UPK1B: variants seen among roughly 807,000 people sequenced by gnomAD.
UPK1B encodes the protein uroplakin 1B.
In UPK1B, 28 loss-of-function variants were observed where a neutral mutation model predicts 34.2. That is an observed-to-expected ratio of 0.82 (90% CI 0.61 to 1.12). The LOEUF (loss-of-function observed/expected upper bound fraction) is 1.12. Among genes scored for constraint, UPK1B ranks in the 50% most tolerant of loss-of-function variants. The pLI is 0.00. For missense variants in UPK1B, 325 were observed against 320.9 expected (o/e 1.01, Z -0.10); for synonymous variants, 81 against 110.4 (o/e 0.73, Z 1.67).
chr3:119,198,277 G>A (rs1657714830), intron 6 of UPK1B, among the ~76,000 whole-genome samples: 3 of 152,196 alleles, frequency 2.0e-5, no homozygotes, highest in African/African-American at 7.2e-5. Context: ...AGAGCCGCAT[G>A]GTCCATGGAA....
In UPK1B at chr3:119,204,196, G is replaced by T; in HGVS notation, c.*229G>T. On this transcript the variant is annotated 3_prime_UTR_variant, in exon 8 of 8. Transcript: ENST00000264234. ...GCAACATTTATATAGACTGTTGAAAGGAGAATTTGAAAAATGCATAATAAC... is the reference window on the plus strand; with the variant it reads ...GCAACATTTATATAGACTGTTGAAATGAGAATTTGAAAAATGCATAATAAC... 2 of 485,170 alleles carry T rather than the reference G, an allele frequency of 4.1e-6. No individual in the cohort carries two copies. The highest frequency in any genetic ancestry group is 8.9e-5 in the South Asian group (2 of 22,420). 30.1% of individuals were successfully genotyped at this position (485,170 alleles called of 1,614,324 possible). A position where few individuals can be genotyped will look rare whatever the true frequency, so the allele number is the denominator to read the frequency against.
intron 1 of UPK1B, among the ~76,000 whole-genome samples, chr3:119,185,160 A>C (rs2078012141): frequency 6.6e-6 from 1 of 152,254 alleles, no homozygotes; most frequent in South Asian, 2.1e-4. Context: ...ACATGAATTG[A>C]GTACCCACTG....
In UPK1B at chr3:119,204,034, CTCCTAATAT is replaced by C; in HGVS notation, c.*71_*79del. 2 of 1,560,278 alleles carry C rather than the reference CTCCTAATAT, an allele frequency of 1.3e-6. No individual in the cohort carries two copies. Among genetic ancestry groups the C allele is most frequent in the Non-Finnish European group, 1.8e-6 (2 of 1,135,336 alleles). On this transcript the variant is annotated 3_prime_UTR_variant, in exon 8 of 8. Coordinates refer to ENST00000264234, the MANE Select transcript of UPK1B (RefSeq NM_006952.4). ...TGGATTTGGTGCTGGAACCAGCTCTCTCCTAATATTCCACGTTTGTGCCCCACACTAACG... is the reference window on the plus strand; with the variant it reads ...TGGATTTGGTGCTGGAACCAGCTCTCTCCACGTTTGTGCCCCACACTAACG...
At chr3:119,183,422 C>T (rs138886445) in intron 1 of UPK1B, among the ~76,000 whole-genome samples, 3,799 of 152,126 alleles carry the variant, frequency 0.025, 71 homozygotes, top group Middle Eastern at 0.048. Context: ...CCACCATGCT[C>T]GGCTAATTTT....
chr3:119,188,201 C>A (rs1465847122), intron 3 of UPK1B, among the ~76,000 whole-genome samples: 1 of 152,140 alleles, frequency 6.6e-6, no homozygotes, highest in Non-Finnish European at 1.5e-5. Flanking sequence ...AAAGGGGAGA[C>A]ACCTGGGGGT....
At chr3:119,193,333 A>G (rs1021515348) in intron 5 of UPK1B, among the ~76,000 whole-genome samples, 2 of 152,256 alleles carry the variant, frequency 1.3e-5, no homozygotes, top group Non-Finnish European at 2.9e-5. Context: ...ACAAAATTGT[A>G]TATCCTTTAA....
At chr3:119,203,340 CAAAAAAAAAA>C (rs55752613) in intron 7 of UPK1B, among the ~76,000 whole-genome samples, 10 of 62,024 alleles carry the variant, frequency 1.6e-4, no homozygotes, top group East Asian at 5.1e-4. Context: ...AACTCCGTCT[CAAAAAAAAAA>C]AAAAAAAAAA....
At chr3:119,178,392 G>A (rs9868984) in intron 1 of UPK1B, among the ~76,000 whole-genome samples, 99,223 of 151,880 alleles carry the variant, frequency 0.65, 33,517 homozygotes, top group East Asian at 0.84. Flanking sequence ...AAGTGCAGAG[G>A]GAATGACCGA....
chr3:119,203,682 G>A lies in UPK1B; in HGVS notation c.733-235G>A, dbSNP rs79761980. On this transcript the variant is annotated intron_variant, in intron 7 of 7. Coordinates refer to ENST00000264234, the MANE Select transcript of UPK1B (RefSeq NM_006952.4). ...GGAGTGAGGAGAAGGGAACTTAGAG[G>A]ATGGGTCAACAGGTGCAGCAAACCA... 4.0e-3 allele frequency among the ~76,000 whole-genome samples: 606 copies of A among 152,268 alleles called. 3 individuals are homozygous for A. The highest frequency in any genetic ancestry group is 0.014 in the African/African-American group (581 of 41,552).
chr3:119,191,132 C>A, intron 5 of UPK1B, 28 bp downstream of exon 5: 1 of 1,611,796 alleles, frequency 6.2e-7, no homozygotes, highest in South Asian at 1.1e-5. Context: ...GGGGAGATGC[C>A]ATTTTTACTT....
intron 3 of UPK1B, 40 bp downstream of exon 3, chr3:119,188,015 A>G: frequency 1.3e-6 from 2 of 1,595,162 alleles, no homozygotes; most frequent in Non-Finnish European, 1.7e-6. Flanking sequence ...TCCCTGAGCC[A>G]ATTGTAATGG....
At chr3:119,191,865 G>C (rs746801133) in intron 5 of UPK1B, among the ~76,000 whole-genome samples, 1 of 151,924 alleles carries the variant, frequency 6.6e-6, no homozygotes, top group Non-Finnish European at 1.5e-5. Flanking sequence ...ATCCTTCCTT[G>C]CCATTACTTA....
intron 1 of UPK1B, among the ~76,000 whole-genome samples, chr3:119,181,620 C>T (rs1221468515): frequency 4.6e-5 from 7 of 152,188 alleles, no homozygotes; most frequent in Admixed American, 4.6e-4. Flanking sequence ...TCCACTTCAC[C>T]ATATTCTCTA....
At chr3:119,177,808 C>T (rs1190166553) in intron 1 of UPK1B, among the ~76,000 whole-genome samples, 2 of 152,144 alleles carry the variant, frequency 1.3e-5, no homozygotes, top group Non-Finnish European at 2.9e-5. Flanking sequence ...AACAACGTAC[C>T]AGACTATATT....
At chr3:119,184,134 C>T (rs62273512) in intron 1 of UPK1B, among the ~76,000 whole-genome samples, 5,037 of 152,254 alleles carry the variant, frequency 0.033, 146 homozygotes, top group East Asian at 0.13. Flanking sequence ...TTTTCTCCCA[C>T]TTTTATCTGC....
chr3:119,188,945 A>C (rs1348571290), intron 3 of UPK1B, among the ~76,000 whole-genome samples: 1 of 152,050 alleles, frequency 6.6e-6, no homozygotes, highest in Non-Finnish European at 1.5e-5. Context: ...CTGGTTCCTT[A>C]GTGTGCGTAA....
At chr3:119,196,942 C>A (rs1388787967) in intron 6 of UPK1B, among the ~76,000 whole-genome samples, 1 of 152,010 alleles carries the variant, frequency 6.6e-6, no homozygotes, top group East Asian at 1.9e-4. Flanking sequence ...CTCCTGGGCT[C>A]GAGTGATCCT....
chr3:119,184,406 C>A (rs1467280303), intron 1 of UPK1B, among the ~76,000 whole-genome samples: 1 of 152,024 alleles, frequency 6.6e-6, no homozygotes, highest in Admixed American at 6.6e-5. Context: ...TTCCTTTGAA[C>A]CCACGCTGTA....
At chr3:119,200,843 A>G (rs919680663) in intron 7 of UPK1B, among the ~76,000 whole-genome samples, 1 of 152,240 alleles carries the variant, frequency 6.6e-6, no homozygotes, top group Non-Finnish European at 1.5e-5. Flanking sequence ...TTTTAAAGTA[A>G]AAGTGGTGTT....
Sources: allele counts gnomAD v4.1 joint callset (sites outside exome capture counted in the v4.1 genomes callset), GRCh38; gene constraint gnomAD v4.1.1; transcripts MANE v1.5; gene names NCBI Gene and HGNC (gene_info 2026-07-23, HGNC 2026-07-21).